HCFC2: variants seen among roughly 807,000 people sequenced by gnomAD.
HCFC2 encodes the protein host cell factor C2, also known as host cell factor 2.
In HCFC2, 18 loss-of-function variants were observed where a neutral mutation model predicts 89.2. The observed-to-expected ratio is 0.20, with a 90% confidence interval of 0.14 to 0.30. HCFC2 has a LOEUF of 0.30. HCFC2 is among the 10% of genes least tolerant of loss of function. The probability of loss-of-function intolerance (pLI) is 1.00; values close to 1 mark genes in which losing one functional copy is unlikely to be tolerated. For synonymous variants in HCFC2, 308 were observed against 335.7 expected (o/e 0.92, Z 0.90); for missense variants, 578 against 956.1 (o/e 0.60, Z 5.21).
rs1219631227 is a variant in HCFC2, at chr12:104,104,049, T to C, written c.*776T>C. 2.0e-5 allele frequency: 3 copies of C among 152,066 alleles called. No homozygotes were observed. The highest frequency in any genetic ancestry group is 2.9e-5 in the Non-Finnish European group (2 of 67,928). 9.4% of individuals were successfully genotyped at this position (152,066 alleles called of 1,614,324 possible). On this transcript the variant is annotated 3_prime_UTR_variant, in exon 15 of 15. Coordinates refer to ENST00000229330, the MANE Select transcript of HCFC2 (RefSeq NM_013320.3). The stretch of plus-strand genomic sequence containing the variant: ...TTAGGTCCCTTTCAGCACTAAGGTT[T>C]TGTGTTTTTAGTAGAAGTGAAGTAT...
chr12:104,102,007 A>T lies in HCFC2; in HGVS notation c.1918A>T (p.Lys640Ter). The T allele has an allele frequency of 6.2e-7, 1 of 1,611,798 alleles. No individual in the cohort carries two copies. Among genetic ancestry groups the T allele is most frequent in the Non-Finnish European group, 8.5e-7 (1 of 1,178,648 alleles). ...ADVPDYSLLK[K>*]QDLVPGTGYR... The stretch of plus-strand genomic sequence containing the variant: ...TGTACCTGACTACAGCTTGCTTAAG[A>T]AACAAGATCTTGTTCCAGGCACAGG... Residue 640 changes from lysine to a stop codon, truncating the protein, a stop_gained, in exon 14 of 15, where the codon AAA becomes TAA. Coordinates refer to ENST00000229330, the MANE Select transcript of HCFC2 (RefSeq NM_013320.3). LOFTEE classifies it high-confidence loss of function.
At chr12:104,086,797 C>A in intron 7 of HCFC2, 50 bp from the exon 8 acceptor site, 1 of 1,531,012 alleles carries the variant, frequency 6.5e-7, no homozygotes, top group Non-Finnish European at 9.0e-7. Context: ...TATCAGCAAA[C>A]CATTTATACA....
chr12:104,093,005 T>C (rs1255794654), intron 9 of HCFC2, among the ~76,000 whole-genome samples: 2 of 152,218 alleles, frequency 1.3e-5, no homozygotes, highest in African/African-American at 2.4e-5. Context: ...TTTGTAGTTA[T>C]CATATTTTTA....
intron 8 of HCFC2, among the ~76,000 whole-genome samples, chr12:104,087,466 C>T (rs201498094): frequency 4.3e-5 from 6 of 139,468 alleles, no homozygotes; most frequent in African/African-American, 5.3e-5. Flanking sequence ...TATATATATA[C>T]ATATATATAT....
At chr12:104,085,403 A>G (rs968194316) in intron 7 of HCFC2, among the ~76,000 whole-genome samples, 13 of 152,184 alleles carry the variant, frequency 8.5e-5, no homozygotes, top group Admixed American at 2.6e-4. Flanking sequence ...TTATTAACTA[A>G]AGTCTAAGGA....
intron 3 of HCFC2, among the ~76,000 whole-genome samples, chr12:104,075,956 A>C (rs1421948720): frequency 6.6e-6 from 1 of 152,052 alleles, no homozygotes; most frequent in Non-Finnish European, 1.5e-5. Context: ...TTTTTTAAAG[A>C]TCTCCAAGTG....
At chr12:104,077,767 A>C (rs1327240543) in intron 3 of HCFC2, among the ~76,000 whole-genome samples, 3 of 152,046 alleles carry the variant, frequency 2.0e-5, no homozygotes, top group Non-Finnish European at 2.9e-5. Context: ...CCTTGGGAAT[A>C]AATTACTGTC....
intron 8 of HCFC2, 61 bp downstream of exon 8, chr12:104,087,075 C>T (rs1036791973): frequency 4.5e-6 from 7 of 1,541,394 alleles, no homozygotes; most frequent in South Asian, 1.2e-5. Context: ...TATATACTGG[C>T]CGGGCGCGGT....
At chr12:104,072,675 C>CTCTG (rs1321014890) in intron 3 of HCFC2, among the ~76,000 whole-genome samples, 1 of 151,434 alleles carries the variant, frequency 6.6e-6, no homozygotes, top group East Asian at 1.9e-4. Flanking sequence ...TGGAGTCTCG[C>CTCTG]TCTGTCGCCC....
chr12:104,091,396 AC>A (rs1179387385), intron 9 of HCFC2, among the ~76,000 whole-genome samples: 250 of 152,338 alleles, frequency 1.6e-3, no homozygotes, highest in African/African-American at 6.0e-3. Context: ...CAAATGGGCC[AC>A]ATCTCAGTGA....
At chr12:104,096,054 T>C (rs1884166770) in intron 11 of HCFC2, among the ~76,000 whole-genome samples, 1 of 152,198 alleles carries the variant, frequency 6.6e-6, no homozygotes, top group South Asian at 2.1e-4. Context: ...TTTATTCTTT[T>C]GAAATAGGAA....
chr12:104,083,675 C>G (rs1359897921), intron 7 of HCFC2, among the ~76,000 whole-genome samples: 1 of 152,086 alleles, frequency 6.6e-6, no homozygotes, highest in African/African-American at 2.4e-5. Flanking sequence ...CAATGCTGTA[C>G]TATCTTTGCA....
intron 9 of HCFC2, among the ~76,000 whole-genome samples, chr12:104,089,341 T>G (rs548639598): frequency 7.2e-5 from 11 of 151,922 alleles, no homozygotes; most frequent in African/African-American, 2.7e-4. Context: ...TGAAACCCTG[T>G]CTCTCCTTAA....
chr12:104,082,530 T>C lies in HCFC2; in HGVS notation c.798T>C (p.His266=). ...KMYIFGGWVP[H]KGENTETSPH... ...ACATTTTTGGTGGATGGGTCCCACA[T>C]AAGGGGGAAAATACTGAGACTTCAC... The change falls in exon 6 of 15, where the codon CAT becomes CAC. Residue 266 remains histidine, a synonymous_variant. Transcript: ENST00000229330. The C allele has an allele frequency of 6.2e-7, 1 of 1,613,208 alleles. No individual in the cohort carries two copies. Among genetic ancestry groups the C allele is most frequent in the Non-Finnish European group, 8.5e-7 (1 of 1,179,258 alleles).
At position 104,068,928 on chromosome 12, in the gene HCFC2, T is replaced by C. The variant is rs1033772063; in HGVS notation, c.473+821T>C. Among the ~76,000 whole-genome samples, 2 of 152,144 alleles carry C rather than the reference T, an allele frequency of 1.3e-5. No individual in the cohort carries two copies. Among genetic ancestry groups the C allele is most frequent in the East Asian group, 3.8e-4 (2 of 5,198 alleles). On this transcript the variant is annotated intron_variant, in intron 3 of 14. Coordinates refer to ENST00000229330, the MANE Select transcript of HCFC2 (RefSeq NM_013320.3). The surrounding 1 kb of genome is among the most constrained non-coding windows in gnomAD (Gnocchi z 4.1). Reference sequence around the variant, plus strand: ...ATGATGGTATAAGATAGATATTTTGTATATATATTAAAATGGTTACTATAG... The same window carrying C: ...ATGATGGTATAAGATAGATATTTTGCATATATATTAAAATGGTTACTATAG...
chr12:104,075,876 G>A (rs895404560), intron 3 of HCFC2, among the ~76,000 whole-genome samples: 5 of 152,032 alleles, frequency 3.3e-5, no homozygotes, highest in African/African-American at 4.8e-5. Flanking sequence ...GCCGTATGCC[G>A]TAGGGTTTGA....
chr12:104,078,996 A>T (rs114324231), intron 3 of HCFC2, among the ~76,000 whole-genome samples: 1 of 152,128 alleles, frequency 6.6e-6, no homozygotes, highest in Non-Finnish European at 1.5e-5. Flanking sequence ...TAGTTAAGCC[A>T]TTTAGGCCTT....
Position 104,105,118 on chromosome 12 carries a change from A to G in HCFC2, c.*1845A>G, listed in dbSNP as rs1275564421. On this transcript the variant is annotated 3_prime_UTR_variant, in exon 15 of 15. Coordinates refer to ENST00000229330, the MANE Select transcript of HCFC2 (RefSeq NM_013320.3). ...ATATAGGCTAAACAAATACTTAACCAAAGTTAAAATACATGGTAAGCAATT... is the reference window on the plus strand; with the variant it reads ...ATATAGGCTAAACAAATACTTAACCGAAGTTAAAATACATGGTAAGCAATT... 1 of 152,074 alleles carries G rather than the reference A, an allele frequency of 6.6e-6. No individual in the cohort carries two copies. The highest frequency in any genetic ancestry group is 1.5e-5 in the Non-Finnish European group (1 of 67,892). 9.4% of individuals were successfully genotyped at this position (152,074 alleles called of 1,614,324 possible).
At chr12:104,079,390 G>A in intron 3 of HCFC2, 55 bp from the exon 4 acceptor site, 1 of 1,279,166 alleles carries the variant, frequency 7.8e-7, no homozygotes, top group Non-Finnish European at 1.1e-6. Flanking sequence ...GAAATAAAAT[G>A]CAAATAAAGG....
Sources: gnomAD v4.1 joint callset for allele counts (sites outside exome capture counted in the v4.1 genomes callset) on GRCh38, gnomAD v4.1.1 for gene constraint, Gnocchi (gnomAD v3.1) non-coding constraint, MANE v1.5 for transcripts, NCBI Gene and HGNC (gene_info 2026-07-23, HGNC 2026-07-21) for gene names.